The following SLAMF7 variants were observed in gnomAD, a reference collection of about 807,000 sequenced individuals.
The protein encoded by SLAMF7 is 19A24 protein.
SLAMF7 carries 26 observed loss-of-function variants against 34.1 expected under a neutral mutation model. The observed-to-expected ratio is 0.76, with a 90% CI of 0.56 to 1.06. The LOEUF is 1.06. Among genes scored for constraint, SLAMF7 ranks in the 50% least tolerant of loss-of-function variants. The pLI, the probability that SLAMF7 is intolerant of heterozygous loss-of-function variation, is 0.00. For missense variants in SLAMF7, 399 were observed against 402.5 expected, an observed-to-expected ratio of 0.99 and a Z score of 0.07; for synonymous variants, 171 against 156.4, an observed-to-expected ratio of 1.09 and a Z score of -0.70.
chr1:160,743,538 A>C (rs1053410825), intron 1 of SLAMF7, among the ~76,000 whole-genome samples: 1 of 152,242 alleles, frequency 6.6e-6, no homozygotes, highest in East Asian at 1.9e-4. Flanking sequence ...GGTAGCCCAA[A>C]CCATTTGGCT....
chr1:160,752,546 C>T (rs1223500022), intron 6 of SLAMF7, among the ~76,000 whole-genome samples: 1 of 152,134 alleles, frequency 6.6e-6, no homozygotes, highest in African/African-American at 2.4e-5. Context: ...GGAAAAAGAC[C>T]ATGGCTTAGA....
chr1:160,754,175 G>C lies in SLAMF7; in HGVS notation c.*998G>C, dbSNP rs113828530. On this transcript the variant is annotated 3_prime_UTR_variant, in exon 7 of 7. Transcript: ENST00000368043. ...TATTTATTAAGAACCTATGCGGCCC[G>C]GCATGGTGGCTCACACCTGTAATCC... The C allele has an allele frequency of 2.0e-5, 3 of 152,202 alleles. No individual in the cohort carries two copies. The highest frequency in any genetic ancestry group is 7.2e-5 in the African/African-American group (3 of 41,412). The allele number at this position is 152,202 out of a possible 1,614,324, so 9.4% of individuals were successfully genotyped here.
At chr1:160,746,325 A>G (rs1664129463) in intron 1 of SLAMF7, among the ~76,000 whole-genome samples, 1 of 152,244 alleles carries the variant, frequency 6.6e-6, no homozygotes, top group Admixed American at 6.5e-5. Flanking sequence ...GGTCAAAAGT[A>G]CACAGGAACC....
intron 1 of SLAMF7, among the ~76,000 whole-genome samples, chr1:160,742,602 C>T (rs1663833471): frequency 6.6e-6 from 1 of 152,228 alleles, no homozygotes; most frequent in Non-Finnish European, 1.5e-5. Flanking sequence ...TCTGTATTCA[C>T]ACTTCATCTT....
chr1:160,740,693 G>T lies in SLAMF7; in HGVS notation c.55+1337G>T, dbSNP rs527563083. Among the ~76,000 whole-genome samples, 11 of 152,306 alleles carry T rather than the reference G, an allele frequency of 7.2e-5. 1 individual carries two copies. In the South Asian group the frequency reaches 2.1e-3, roughly 29 times the overall value. On this transcript the variant is annotated intron_variant, in intron 1 of 6. Coordinates refer to ENST00000368043, the MANE Select transcript of SLAMF7 (RefSeq NM_021181.5). ...ATGAAATCTAAGTTGCAGAATTATT[G>T]TGACATTTTAAATGACATATCAAAT...
intron 1 of SLAMF7, among the ~76,000 whole-genome samples, chr1:160,741,691 C>T (rs1663756102): frequency 6.6e-6 from 1 of 152,140 alleles, no homozygotes; most frequent in South Asian, 2.1e-4. Flanking sequence ...ATCCTACGCT[C>T]ACCCCTTAAA....
chr1:160,751,668 C>A, intron 5 of SLAMF7: 1 of 491,686 alleles, frequency 2.0e-6, no homozygotes, highest in South Asian at 2.4e-5. Context: ...TCACAATGCT[C>A]ATGCTGTGGT....
intron 1 of SLAMF7, 187 bp downstream of exon 1, chr1:160,739,543 T>C (rs1663564854): frequency 3.7e-6 from 2 of 542,168 alleles, no homozygotes; most frequent in Non-Finnish European, 6.5e-6. Context: ...GGGGGAAAAA[T>C]GGCTCTGGGA....
chr1:160,749,778 C>T, intron 2 of SLAMF7, 43 bp from the exon 3 acceptor site: 1 of 1,505,186 alleles, frequency 6.6e-7, no homozygotes, highest in South Asian at 1.3e-5. Context: ...GAATGGAGAG[C>T]TATAGGCAGA....
At chr1:160,749,404 G>C (rs1664379102) in intron 2 of SLAMF7, among the ~76,000 whole-genome samples, 2 of 152,032 alleles carry the variant, frequency 1.3e-5, no homozygotes, top group Non-Finnish European at 2.9e-5. Context: ...GGGCCAGAAG[G>C]GCTACTCCAA....
chr1:160,744,440 C>A (rs930118759), intron 1 of SLAMF7, among the ~76,000 whole-genome samples: 1 of 152,184 alleles, frequency 6.6e-6, no homozygotes, highest in Admixed American at 6.5e-5. Flanking sequence ...ACAATATACT[C>A]CATCTATAGG....
Position 160,749,878 on chromosome 1 carries a change from G to A in SLAMF7, c.434G>A (p.Cys145Tyr). The A allele has an allele frequency of 6.2e-7, 1 of 1,613,970 alleles. No individual in the cohort carries two copies. The highest frequency in any genetic ancestry group is 8.5e-7 in the Non-Finnish European group (1 of 1,179,882). The change falls in exon 3 of 7, where the codon TGT (cysteine) becomes TAT (tyrosine). Residue 145 changes from cysteine (C) to tyrosine (Y), a missense_variant. Transcript: ENST00000368043. The stretch of plus-strand genomic sequence containing the variant: ...CTGCAGAGCAATAAGAATGGCACCT[G>A]TGTGACCAATCTGACATGCTGCATG... The part of the protein sequence containing the change: ...MGLQSNKNGT[C>Y]VTNLTCCMEH...
At chr1:160,743,987 C>T (rs998642920) in intron 1 of SLAMF7, among the ~76,000 whole-genome samples, 4 of 152,210 alleles carry the variant, frequency 2.6e-5, no homozygotes, top group African/African-American at 9.6e-5. Flanking sequence ...CCAATTCCAG[C>T]ATCTTCCCTT....
At chr1:160,746,939 A>G (rs1664180472) in intron 1 of SLAMF7, among the ~76,000 whole-genome samples, 2 of 152,126 alleles carry the variant, frequency 1.3e-5, no homozygotes, top group Non-Finnish European at 2.9e-5. Context: ...GTTTTTTACT[A>G]TTATAATGAG....
intron 2 of SLAMF7, among the ~76,000 whole-genome samples, chr1:160,749,116 G>A (rs1239590802): frequency 1.3e-5 from 2 of 152,182 alleles, no homozygotes; most frequent in African/African-American, 4.8e-5. Flanking sequence ...AACCTTAGGG[G>A]ATGGGCCTCC....
At chr1:160,741,178 C>T (rs1305890379) in intron 1 of SLAMF7, among the ~76,000 whole-genome samples, 2 of 152,176 alleles carry the variant, frequency 1.3e-5, no homozygotes, top group Non-Finnish European at 2.9e-5. Context: ...AAGCAGTTCT[C>T]ATGGCCTCAG....
At chr1:160,745,301 A>G (rs549103) in intron 1 of SLAMF7, among the ~76,000 whole-genome samples, 79,004 of 151,848 alleles carry the variant, frequency 0.52, 21,301 homozygotes, top group East Asian at 0.82. Flanking sequence ...TTATGGTCCA[A>G]TGGCACCCAA....
chr1:160,752,430 G>A (rs1284091022), intron 6 of SLAMF7, among the ~76,000 whole-genome samples, 182 bp downstream of exon 6: 1 of 152,202 alleles, frequency 6.6e-6, no homozygotes, highest in African/African-American at 2.4e-5. Context: ...AGAGAATTGT[G>A]TTTTAGGAAT....
chr1:160,741,270 A>G (rs1227962850), intron 1 of SLAMF7, among the ~76,000 whole-genome samples: 2 of 152,218 alleles, frequency 1.3e-5, no homozygotes, highest in East Asian at 3.8e-4. Flanking sequence ...CAATAAAAAG[A>G]AAACAAAAAA....
Sources: gnomAD v4.1 joint callset for allele counts (sites outside exome capture counted in the v4.1 genomes callset) on GRCh38, gnomAD v4.1.1 for gene constraint, MANE v1.5 for transcripts, NCBI Gene and HGNC (gene_info 2026-07-23, HGNC 2026-07-21) for gene names.